VPS39: variants seen among roughly 807,000 people sequenced by gnomAD.
VPS39 encodes the protein VPS39 subunit of HOPS complex.
A neutral mutation model predicts 121.0 loss-of-function variants in VPS39; 70 were observed. The ratio of observed to expected loss-of-function variants is 0.58; its 90% confidence interval spans 0.48 to 0.71. The LOEUF (loss-of-function observed/expected upper bound fraction) is 0.71, where lower values mean the gene tolerates loss of function less well. Ranked by LOEUF, VPS39 falls within the 30% of genes least tolerant of loss-of-function variation. The pLI is 0.00. For synonymous variants in VPS39, 378 were observed against 398.1 expected, an observed-to-expected ratio of 0.95 and a Z score of 0.60; for missense variants, 818 against 1,051.5, an observed-to-expected ratio of 0.78 and a Z score of 3.07.
intron 10 of VPS39, among the ~76,000 whole-genome samples, chr15:42,176,343 T>TTAA (rs1271309753): frequency 1.3e-5 from 2 of 152,120 alleles, no homozygotes; most frequent in African/African-American, 2.4e-5. Flanking sequence ...ACATATGTGT[T>TTAA]TAATCATTAA....
chr15:42,191,564 T>C lies in VPS39; in HGVS notation c.140-4A>G. 4.3e-6 allele frequency: 7 copies of C among 1,613,110 alleles called. No homozygotes were observed. The highest frequency in any genetic ancestry group is 1.3e-5 in the African/African-American group (1 of 74,988). ...GTCACTTCAAATCTGTTGCAACCTA[T>C]GGAAAACAAATAAACACTGGTAGTT... On this transcript the variant is annotated splice_polypyrimidine_tract_variant and splice_region_variant and intron_variant, in intron 2 of 24. Coordinates refer to ENST00000318006, the MANE Select transcript of VPS39 (RefSeq NM_015289.5).
chr15:42,179,508 C>T (rs143482492), intron 8 of VPS39, among the ~76,000 whole-genome samples: 2,136 of 149,858 alleles, frequency 0.014, 46 homozygotes, highest in African/African-American at 0.05. Context: ...ACCTGGAAGA[C>T]GGAGCTTGCA....
intron 12 of VPS39, among the ~76,000 whole-genome samples, chr15:42,167,840 A>AT (rs1280732273): frequency 6.6e-6 from 1 of 152,238 alleles, no homozygotes; most frequent in Non-Finnish European, 1.5e-5. Flanking sequence ...CAGCTGCTAC[A>AT]TAAGGGGTAG....
At chr15:42,170,314 G>C (rs2049322847) in intron 11 of VPS39, among the ~76,000 whole-genome samples, 1 of 152,130 alleles carries the variant, frequency 6.6e-6, no homozygotes, top group Non-Finnish European at 1.5e-5. Flanking sequence ...TTACAAGACT[G>C]GGCAGCATAG....
intron 5 of VPS39, 71 bp downstream of exon 5, chr15:42,189,043 T>C (rs1446652606): frequency 2.8e-6 from 3 of 1,071,290 alleles, no homozygotes; most frequent in Admixed American, 3.4e-5. Flanking sequence ...TCCCATCTAA[T>C]GGTAGGAATG....
intron 21 of VPS39, 151 bp downstream of exon 21, chr15:42,163,199 C>T: frequency 6.7e-6 from 6 of 893,704 alleles, no homozygotes; most frequent in Non-Finnish European, 1.1e-5. Context: ...GATGAATGGT[C>T]CCCTGCTGTC....
Position 42,160,533 on chromosome 15 carries a change from T to C in VPS39, c.*221A>G. 2 of 553,926 alleles carry C rather than the reference T, an allele frequency of 3.6e-6. No individual in the cohort carries two copies. Among genetic ancestry groups the C allele is most frequent in the Non-Finnish European group, 6.5e-6 (2 of 308,028 alleles). 34.3% of individuals were successfully genotyped at this position (553,926 alleles called of 1,614,324 possible). On this transcript the variant is annotated 3_prime_UTR_variant, in exon 25 of 25. Coordinates refer to ENST00000318006, the MANE Select transcript of VPS39 (RefSeq NM_015289.5). ...GAATTCTCTGGAATTGCCCACAACA[T>C]AATGGTATAAGGTATAACTAATCTC...
chr15:42,162,482 C>T lies in VPS39; in HGVS notation c.2176-1G>A, dbSNP rs1461301952. 1.3e-6 allele frequency: 2 copies of T among 1,596,648 alleles called. No individual in the cohort carries two copies. Among genetic ancestry groups the T allele is most frequent in the Non-Finnish European group, 1.7e-6 (2 of 1,168,480 alleles). ...ACATCCGAAGCAGGGACAGATACACCTGTCTCAGAGAGACATGAGCTACGT... is the reference window on the plus strand; with the variant it reads ...ACATCCGAAGCAGGGACAGATACACTTGTCTCAGAGAGACATGAGCTACGT... On this transcript the variant is annotated splice_acceptor_variant, in intron 21 of 24. Transcript: ENST00000318006. LOFTEE classifies it high-confidence loss of function.
At chr15:42,208,058 G>C (rs373898807) in intron 1 of VPS39, 23 bp downstream of exon 1, 3 of 1,564,892 alleles carry the variant, frequency 1.9e-6, no homozygotes, top group Non-Finnish European at 2.6e-6. Context: ...ACTCCGCCTC[G>C]GCCCCGCGGC....
At chr15:42,178,719 G>C in intron 8 of VPS39, 149 bp from the exon 9 acceptor site, 3 of 1,149,288 alleles carry the variant, frequency 2.6e-6, no homozygotes, top group Non-Finnish European at 3.5e-6. Flanking sequence ...CTGTGATTCA[G>C]AAAGAAAGAA....
In VPS39 at chr15:42,160,791, T is replaced by A; in HGVS notation, c.2591A>T (p.Tyr864Phe). The A allele has an allele frequency of 6.2e-7, 1 of 1,614,202 alleles. No homozygotes were observed. The highest frequency in any genetic ancestry group is 8.5e-7 in the Non-Finnish European group (1 of 1,180,040). ...ARYPNGVVVH[Y>F]FCSKEVNPAD... ...TGGGTTTACCTCTTTGGAACAGAAGTAATGGACGACCACTCCATTGGGGTA... is the reference window on the plus strand; with the variant it reads ...TGGGTTTACCTCTTTGGAACAGAAGAAATGGACGACCACTCCATTGGGGTA... Residue 864 changes from tyrosine to phenylalanine, a missense_variant, in exon 25 of 25, where the codon TAC becomes TTC. Coordinates refer to ENST00000318006, the MANE Select transcript of VPS39 (RefSeq NM_015289.5).
rs2049094701 is a variant in VPS39 at position 42,159,814 on chromosome 15, A to T, written c.*940T>A. On this transcript the variant is annotated 3_prime_UTR_variant, in exon 25 of 25. Coordinates refer to ENST00000318006, the MANE Select transcript of VPS39 (RefSeq NM_015289.5). ...AAAGGGCCCAGAGCACAAAATCGCC[A>T]CGCACAAAGACTAAGCCAGCCTGCC... The T allele has an allele frequency of 6.6e-6, 1 of 152,422 alleles. No homozygotes were observed. The highest frequency in any genetic ancestry group is 1.5e-5 in the Non-Finnish European group (1 of 68,168). The allele number at this position is 152,422 out of a possible 1,614,324, so 9.4% of individuals were successfully genotyped here.
At chr15:42,203,429 G>A (rs902443158) in intron 1 of VPS39, among the ~76,000 whole-genome samples, 6 of 151,348 alleles carry the variant, frequency 4.0e-5, no homozygotes, top group Admixed American at 2.6e-4. Flanking sequence ...AGCTGAGATC[G>A]TACCACTGCA....
At chr15:42,191,424 T>C in intron 3 of VPS39, 72 bp downstream of exon 3, 1 of 1,451,966 alleles carries the variant, frequency 6.9e-7, no homozygotes, top group South Asian at 1.2e-5. Context: ...ATAAATAACA[T>C]TACCAAAGTT....
chr15:42,193,274 C>T (rs926203015), intron 2 of VPS39, among the ~76,000 whole-genome samples: 1 of 151,670 alleles, frequency 6.6e-6, no homozygotes. Flanking sequence ...CAATAATAAC[C>T]CCATAAGTAA....
chr15:42,200,700 G>T (rs1217852681), intron 1 of VPS39, among the ~76,000 whole-genome samples: 1 of 152,072 alleles, frequency 6.6e-6, no homozygotes, highest in Non-Finnish European at 1.5e-5. Context: ...TCCACTCCTG[G>T]TTACACACCC....
At chr15:42,162,664 A>G (rs909052476) in intron 21 of VPS39, 183 bp from the exon 22 acceptor site, 8 of 628,234 alleles carry the variant, frequency 1.3e-5, no homozygotes, top group African/African-American at 1.9e-5. Context: ...ATGTTAATTA[A>G]GGATTGCTTT....
At chr15:42,161,030 G>A (rs1341447441) in intron 24 of VPS39, 2 of 597,152 alleles carry the variant, frequency 3.3e-6, no homozygotes, top group East Asian at 2.8e-5. Flanking sequence ...AGAGGATGAG[G>A]TGCACACAGT....
chr15:42,172,609 G>A (rs2049368829), intron 11 of VPS39, among the ~76,000 whole-genome samples: 1 of 152,212 alleles, frequency 6.6e-6, no homozygotes, highest in South Asian at 2.1e-4. Flanking sequence ...TGCAACAACA[G>A]GGGAAGTGGC....
Sources: gnomAD v4.1 joint callset for allele counts (sites outside exome capture counted in the v4.1 genomes callset) on GRCh38, gnomAD v4.1.1 for gene constraint, MANE v1.5 for transcripts, NCBI Gene and HGNC (gene_info 2026-07-23, HGNC 2026-07-21) for gene names.